TMC1: variants seen among roughly 807,000 people sequenced by gnomAD.
The protein encoded by TMC1 is transmembrane channel like 1, also known as transmembrane channel-like protein 1.
TMC1 carries 84 observed loss-of-function variants against 105.8 expected under a neutral mutation model. That is an observed-to-expected ratio of 0.79 (90% CI 0.67 to 0.95). The LOEUF (loss-of-function observed/expected upper bound fraction) is 0.95. Ranked by LOEUF, TMC1 falls within the 40% of genes least tolerant of loss-of-function variation. TMC1 has a pLI of 0.00. For synonymous variants in TMC1, 315 were observed against 311.5 expected (o/e 1.01, Z -0.12); for missense variants, 817 against 914.1 (o/e 0.89, Z 1.37).
chr9:72,547,466 A>G (rs1823791822), intron 1 of TMC1, among the ~76,000 whole-genome samples: 1 of 152,128 alleles, frequency 6.6e-6, no homozygotes, highest in South Asian at 2.1e-4. Context: ...CCTGAACACT[A>G]CAGTCAGTCT....
intron 1 of TMC1, among the ~76,000 whole-genome samples, chr9:72,565,607 A>C (rs1824137090): frequency 6.6e-6 from 1 of 152,090 alleles, no homozygotes; most frequent in Non-Finnish European, 1.5e-5. Context: ...TGTGTGTTTT[A>C]GTCCATTTTC....
At chr9:72,557,589 G>A (rs1358774771) in intron 1 of TMC1, among the ~76,000 whole-genome samples, 3 of 152,100 alleles carry the variant, frequency 2.0e-5, no homozygotes, top group African/African-American at 7.2e-5. Flanking sequence ...CACCACTAAA[G>A]CCATGTCCCC....
chr9:72,625,417 G>A (rs1587996900), intron 3 of TMC1, among the ~76,000 whole-genome samples: 1 of 152,112 alleles, frequency 6.6e-6, no homozygotes, highest in East Asian at 1.9e-4. Context: ...GGCCAGGCAC[G>A]GTGGCTCACG....
intron 17 of TMC1, among the ~76,000 whole-genome samples, chr9:72,794,721 T>C (rs556740211): frequency 9.9e-5 from 15 of 152,172 alleles, no homozygotes; most frequent in Non-Finnish European, 7.3e-5. Context: ...ACCAGAGTAT[T>C]GTATGTCCTC....
At chr9:72,639,160 G>A (rs1301700316) in intron 4 of TMC1, among the ~76,000 whole-genome samples, 1 of 152,002 alleles carries the variant, frequency 6.6e-6, no homozygotes, top group Non-Finnish European at 1.5e-5. Context: ...ACTAACTGCT[G>A]GTGATATTTT....
intron 10 of TMC1, among the ~76,000 whole-genome samples, chr9:72,751,065 G>A (rs192461367): frequency 1.3e-5 from 2 of 152,180 alleles, no homozygotes; most frequent in Non-Finnish European, 2.9e-5. Flanking sequence ...CTTCCCTCCT[G>A]TAGGACCTGC....
At chr9:72,541,060 A>G (rs1338114601) in intron 1 of TMC1, among the ~76,000 whole-genome samples, 5 of 152,106 alleles carry the variant, frequency 3.3e-5, no homozygotes, top group Admixed American at 3.3e-4. Flanking sequence ...TCAAATTTAA[A>G]TCTACCCTCC....
chr9:72,555,854 C>T (rs1024423899), intron 1 of TMC1, among the ~76,000 whole-genome samples: 19 of 151,506 alleles, frequency 1.3e-4, no homozygotes, highest in Non-Finnish European at 2.8e-4. Flanking sequence ...AACTCCTGAC[C>T]TTGTGATCCA....
At chr9:72,647,544 C>T (rs1228089958) in intron 4 of TMC1, among the ~76,000 whole-genome samples, 1 of 152,172 alleles carries the variant, frequency 6.6e-6, no homozygotes, top group Non-Finnish European at 1.5e-5. Context: ...CATATAAATA[C>T]TTGTATCAGC....
intron 12 of TMC1, among the ~76,000 whole-genome samples, chr9:72,763,915 AGAATCTTTC>A (rs1352359524): frequency 2.0e-5 from 3 of 152,336 alleles, no homozygotes; most frequent in East Asian, 3.9e-4. Flanking sequence ...AGATCAAGGA[AGAATCTTTC>A]GATATGACTA....
chr9:72,772,436 CTT>C lies in TMC1; in HGVS notation c.768_769del (p.Phe256LeufsTer5). On this transcript the variant is annotated frameshift_variant, in exon 13 of 24. Coordinates refer to ENST00000297784, the MANE Select transcript of TMC1 (RefSeq NM_138691.3). LOFTEE classifies it high-confidence loss of function. ...FNGLAQYSVL[F>X]YGYYDNKRTI... ...AGGGTTTGGCACAATATTCCGTTCT[CTT>C]TTATGGCTATTATGACAATAAACGA... 1 of 1,613,906 alleles carries C rather than the reference CTT, an allele frequency of 6.2e-7. No homozygotes were observed. Among genetic ancestry groups the C allele is most frequent in the Non-Finnish European group, 8.5e-7 (1 of 1,179,814 alleles).
At chr9:72,611,569 G>T (rs529386633) in intron 2 of TMC1, among the ~76,000 whole-genome samples, 1 of 152,178 alleles carries the variant, frequency 6.6e-6, no homozygotes, top group Admixed American at 6.5e-5. Flanking sequence ...GCAGCTTGGG[G>T]GCATGAGCAG....
At chr9:72,658,181 G>C (rs936569831) in intron 5 of TMC1, among the ~76,000 whole-genome samples, 1 of 151,986 alleles carries the variant, frequency 6.6e-6, no homozygotes, top group Admixed American at 6.5e-5. Flanking sequence ...ATCTATTTGG[G>C]CAGATGGAAC....
chr9:72,774,382 T>A (rs1008666279), intron 13 of TMC1, among the ~76,000 whole-genome samples: 2 of 152,176 alleles, frequency 1.3e-5, no homozygotes, highest in East Asian at 3.9e-4. Flanking sequence ...ACAATCAATA[T>A]AAAATTATTA....
intron 4 of TMC1, among the ~76,000 whole-genome samples, chr9:72,632,246 A>C (rs555858040): frequency 5.9e-5 from 9 of 152,256 alleles, no homozygotes; most frequent in Non-Finnish European, 1.3e-4. Flanking sequence ...ACCAGATCTT[A>C]TGTGAACTCA....
chr9:72,667,744 G>A (rs1350449758), intron 5 of TMC1, among the ~76,000 whole-genome samples: 1 of 152,120 alleles, frequency 6.6e-6, no homozygotes, highest in Non-Finnish European at 1.5e-5. Flanking sequence ...ATAAATCCCT[G>A]CCTCTTCTTA....
chr9:72,627,899 T>G lies in TMC1; in HGVS notation c.-195-22T>G, dbSNP rs893525034. ...ATTATTTTTAAAAATCTGTATTGGA[T>G]TTTTTTTTTTTCATATTTTAGGATG... On this transcript the variant is annotated intron_variant, in intron 3 of 23. Coordinates refer to ENST00000297784, the MANE Select transcript of TMC1 (RefSeq NM_138691.3). 5 of 130,590 alleles carry G rather than the reference T, an allele frequency of 3.8e-5. No individual in the cohort carries two copies. The East Asian group carries it at 1.7e-3, about 44-fold the overall frequency. 8.1% of individuals were successfully genotyped at this position (130,590 alleles called of 1,614,324 possible). A position where few individuals can be genotyped will look rare whatever the true frequency, so the allele number is the denominator to read the frequency against.
intron 8 of TMC1, among the ~76,000 whole-genome samples, chr9:72,738,638 G>C (rs144929219): frequency 1.3e-5 from 2 of 151,884 alleles, no homozygotes; most frequent in Non-Finnish European, 2.9e-5. Flanking sequence ...GGGTGGTCTC[G>C]AACTCCTGAC....
At chr9:72,610,776 T>G (rs1825012675) in intron 2 of TMC1, among the ~76,000 whole-genome samples, 1 of 152,206 alleles carries the variant, frequency 6.6e-6, no homozygotes, top group Admixed American at 6.5e-5. Context: ...AGCCTGTAGA[T>G]GAATATCTGG....
Sources: allele counts gnomAD v4.1 joint callset (sites outside exome capture counted in the v4.1 genomes callset), GRCh38; gene constraint gnomAD v4.1.1; transcripts MANE v1.5; gene names NCBI Gene and HGNC (gene_info 2026-07-23, HGNC 2026-07-21).